Variants in DST observed in about 807,000 individuals in gnomAD.
The protein encoded by DST is bullous pemphigoid antigen.
Under a neutral mutation model 875.2 loss-of-function variants are expected in DST, and 253 were observed. The ratio of observed to expected loss-of-function variants is 0.29; its 90% CI spans 0.26 to 0.32. The LOEUF (loss-of-function observed/expected upper bound fraction) is 0.32. Ranked by LOEUF, DST falls within the 10% of genes least tolerant of loss-of-function variation. DST has a pLI of 1.00. For missense variants in DST, 8,287 were observed against 9,111.6 expected (o/e 0.91, Z 3.68); for synonymous variants, 3,124 against 3,197.1 (o/e 0.98, Z 0.77).
At chr6:56,814,942 G>A (rs1050714611) in intron 4 of DST, among the ~76,000 whole-genome samples, 25 of 152,004 alleles carry the variant, frequency 1.6e-4, no homozygotes, top group African/African-American at 5.6e-4. Flanking sequence ...GAGGCAGGAC[G>A]GTGGCAGAGA....
In DST at chr6:56,458,975, C is replaced by T. The variant is rs779478186; in HGVS notation, c.*30G>A. On this transcript the variant is annotated 3_prime_UTR_variant, in exon 104 of 104. Transcript: ENST00000680361. ...CGTTCAAACTTAAATAATAAATGCT[C>T]AAGGAAGGGCCTTGGTAGAACCAAT... The T allele has an allele frequency of 1.6e-5, 25 of 1,517,956 alleles. No individual in the cohort carries two copies. Among genetic ancestry groups the T allele is most frequent in the Non-Finnish European group, 2.1e-5 (24 of 1,130,848 alleles). The allele number at this position is 1,517,956 out of a possible 1,614,324, so 94.0% of individuals were successfully genotyped here.
At chr6:56,816,327 G>C (rs535571658) in intron 4 of DST, among the ~76,000 whole-genome samples, 1 of 152,024 alleles carries the variant, frequency 6.6e-6, no homozygotes, top group East Asian at 1.9e-4. Flanking sequence ...TTCGCTTCCT[G>C]TAGCGCCAAA....
rs201586830 is a variant in DST, at chr6:56,592,171, T to A, written c.12903+11A>T. 6 of 1,610,208 alleles carry A rather than the reference T, an allele frequency of 3.7e-6. No homozygotes were observed. In the Admixed American group the frequency reaches 5.0e-5, roughly 14 times the overall value. ...ACTACTGGAAATGTGGATCTTTCTC[T>A]CGCTTTTTACCTTGGTCTCTTCTAA... is the stretch of plus-strand genomic sequence containing the variant. On this transcript the variant is annotated intron_variant, in intron 49 of 103. Transcript: ENST00000680361.
chr6:56,458,807 G>T lies in DST; in HGVS notation c.*198C>A. The T allele has an allele frequency of 1.8e-6, 1 of 550,900 alleles. No homozygotes were observed. The highest frequency in any genetic ancestry group is 3.0e-6 in the Non-Finnish European group (1 of 333,508). 34.1% of individuals were successfully genotyped at this position (550,900 alleles called of 1,614,324 possible). A position where few individuals can be genotyped will look rare whatever the true frequency, so the allele number is the denominator to read the frequency against. On this transcript the variant is annotated 3_prime_UTR_variant, in exon 104 of 104. Transcript: ENST00000680361. ...TGTTAAACTTTTCCTCCTCACATATGATGTGACTTTAACCCCAGAATATCT... is the reference window on the plus strand; with the variant it reads ...TGTTAAACTTTTCCTCCTCACATATTATGTGACTTTAACCCCAGAATATCT...
intron 93 of DST, 147 bp downstream of exon 93, chr6:56,473,726 A>T: frequency 1.4e-6 from 1 of 701,244 alleles, no homozygotes; most frequent in Non-Finnish European, 2.3e-6. Flanking sequence ...ACAATACTTG[A>T]GCACACGTAT....
intron 4 of DST, among the ~76,000 whole-genome samples, chr6:56,803,358 T>C (rs1468131860): frequency 6.6e-6 from 1 of 152,236 alleles, no homozygotes; most frequent in Non-Finnish European, 1.5e-5. Flanking sequence ...GCGTTGTTTT[T>C]TTCTTTCTTA....
At chr6:56,485,506 C>T in intron 87 of DST, 35 bp from the exon 88 acceptor site, 1 of 1,589,182 alleles carries the variant, frequency 6.3e-7, no homozygotes, top group Non-Finnish European at 8.6e-7. Context: ...ATCCTTGCAA[C>T]AAAAAACGTC....
Position 56,517,199 on chromosome 6 carries a change from T to G in DST, c.18356A>C (p.Lys6119Thr). The G allele has an allele frequency of 6.2e-7, 1 of 1,610,416 alleles. No homozygotes were observed. Residue 6119 changes from lysine to threonine, a missense_variant and splice_region_variant, in exon 71 of 104, where the codon AAG becomes ACG. Physicochemically the swap from Lys to Thr is moderately conservative, Grantham distance 78 (BLOSUM62 -1). This residue lies in a region of DST where 1,292 missense variants were observed against 1,552.7 expected (regional missense o/e 0.83). Coordinates refer to ENST00000680361, the MANE Select transcript of DST (RefSeq NM_001374736.1). The part of the protein sequence containing the change: ...ACSEEEKQSM[K>T]KKLDKVLKNY... ...ACCAGTCCACAGACAAGATTATACC[T>G]TCATTGATTGCTTTTCCTCTTCACT...
chr6:56,941,873 T>G (rs757019438), intron 2 of DST, among the ~76,000 whole-genome samples: 6 of 152,252 alleles, frequency 3.9e-5, no homozygotes, highest in Non-Finnish European at 8.8e-5. Flanking sequence ...ATTTTCTGTG[T>G]GGATGTTCTA....
intron 4 of DST, among the ~76,000 whole-genome samples, chr6:56,737,306 C>T (rs928760407): frequency 3.9e-5 from 6 of 152,118 alleles, no homozygotes; most frequent in African/African-American, 1.4e-4. Context: ...TACCAAATTG[C>T]CAAGATTTTA....
chr6:56,555,585 A>G lies in DST; in HGVS notation c.14896T>C (p.Leu4966=). The change falls in exon 60 of 104, where the codon TTG becomes CTG. Residue 4966 remains leucine, a synonymous_variant. Transcript: ENST00000680361. ...LRSLSDKLSD[L]DNKLSSSLAV... is the part of the protein sequence containing the mutation. ...AGACTGCTGCTGAGTTTATTATCCA[A>G]GTCACTCAGTTTATCAGAAAGGCTT... 1 of 1,613,996 alleles carries G rather than the reference A, an allele frequency of 6.2e-7. No homozygotes were observed. The highest frequency in any genetic ancestry group is 8.5e-7 in the Non-Finnish European group (1 of 1,179,896).
intron 89 of DST, chr6:56,482,462 G>A (rs530978206): frequency 7.6e-6 from 4 of 526,096 alleles, no homozygotes; most frequent in East Asian, 6.4e-5. Flanking sequence ...CATTACTCAC[G>A]CAGCACTTGT....
intron 4 of DST, among the ~76,000 whole-genome samples, chr6:56,778,778 T>A (rs1312750159): frequency 6.6e-6 from 1 of 152,026 alleles, no homozygotes; most frequent in Non-Finnish European, 1.5e-5. Context: ...TAATCCAGTC[T>A]ATTATTGTTG....
At chr6:56,653,340 A>G (rs1032070624) in intron 10 of DST, among the ~76,000 whole-genome samples, 2 of 152,210 alleles carry the variant, frequency 1.3e-5, no homozygotes, top group African/African-American at 2.4e-5. Context: ...ACTAAAAGAC[A>G]GCAGATAAAG....
Position 56,468,837 on chromosome 6 carries a change from G to A in DST, c.22569+145C>T, listed in dbSNP as rs144996180. 17,591 of 590,962 alleles carry A rather than the reference G, an allele frequency of 0.03. 355 individuals carry two copies. The highest frequency in any genetic ancestry group is 0.041 in the Non-Finnish European group (14,040 of 346,212). 36.6% of individuals were successfully genotyped at this position (590,962 alleles called of 1,614,324 possible). A position where few individuals can be genotyped will look rare whatever the true frequency, so the allele number is the denominator to read the frequency against. On this transcript the variant is annotated intron_variant, in intron 98 of 103. Coordinates refer to ENST00000680361, the MANE Select transcript of DST (RefSeq NM_001374736.1). ...ATCCTGGATCAAGGACCCTTATAGC[G>A]TTTACAGAAACACCACGCCAACCAA...
At chr6:56,933,643 C>T (rs71564868) in intron 2 of DST, among the ~76,000 whole-genome samples, 20,684 of 151,992 alleles carry the variant, frequency 0.14, 1,795 homozygotes, top group Middle Eastern at 0.23. Context: ...TGGGAGTTTG[C>T]AACAACAACA....
At chr6:56,904,586 C>T (rs1795524113) in intron 2 of DST, among the ~76,000 whole-genome samples, 1 of 152,156 alleles carries the variant, frequency 6.6e-6, no homozygotes, top group African/African-American at 2.4e-5. Context: ...TACACATCAG[C>T]AGCTCACAGC....
intron 2 of DST, among the ~76,000 whole-genome samples, chr6:56,913,918 G>A (rs1359948305): frequency 6.6e-6 from 1 of 152,074 alleles, no homozygotes; most frequent in Non-Finnish European, 1.5e-5. Context: ...GCAACTACCA[G>A]GCAAAAGTCT....
chr6:56,911,845 T>C (rs1798920498), intron 2 of DST, among the ~76,000 whole-genome samples: 1 of 152,344 alleles, frequency 6.6e-6, no homozygotes, highest in South Asian at 2.1e-4. Context: ...GGGATCATAG[T>C]GTACACTCAG....
Sources: allele counts gnomAD v4.1 joint callset (sites outside exome capture counted in the v4.1 genomes callset), GRCh38; gene constraint gnomAD v4.1.1; regional missense constraint gnomAD v4.1.1; transcripts MANE v1.5; gene names NCBI Gene and HGNC (gene_info 2026-07-23, HGNC 2026-07-21).